The following SLC26A8 variants were observed in gnomAD, a reference collection of about 807,000 sequenced individuals.
SLC26A8 encodes the protein solute carrier family 26 member 8.
In SLC26A8, 70 loss-of-function variants were observed where a neutral mutation model predicts 105.0. The ratio of observed to expected loss-of-function variants is 0.67; its 90% CI spans 0.55 to 0.81. SLC26A8 has a LOEUF of 0.81. SLC26A8 is among the 40% of genes least tolerant of loss of function. SLC26A8 has a pLI of 0.00. For synonymous variants in SLC26A8, 415 were observed against 438.3 expected (o/e 0.95, Z 0.66); for missense variants, 998 against 1,181.8 (o/e 0.84, Z 2.28).
chr6:36,000,210 G>C, intron 3 of SLC26A8, 102 bp from the exon 4 acceptor site: 1 of 721,066 alleles, frequency 1.4e-6, no homozygotes, highest in Non-Finnish European at 2.4e-6. Flanking sequence ...CATGTGTATA[G>C]CTGACTGAGT....
intron 12 of SLC26A8, 73 bp from the exon 13 acceptor site, chr6:35,961,172 C>T: frequency 1.7e-6 from 2 of 1,171,406 alleles, no homozygotes; most frequent in Non-Finnish European, 2.5e-6. Context: ...AGTCCTGTTT[C>T]TCAACTCACC....
intron 17 of SLC26A8, among the ~76,000 whole-genome samples, chr6:35,952,894 G>A (rs1349530836): frequency 6.6e-6 from 1 of 151,546 alleles, no homozygotes; most frequent in Non-Finnish European, 1.5e-5. Context: ...TGCGCCTGTA[G>A]TCCCAGCTAC....
intron 4 of SLC26A8, among the ~76,000 whole-genome samples, chr6:35,998,935 C>T (rs1476240604): frequency 2.0e-5 from 3 of 152,028 alleles, no homozygotes; most frequent in Non-Finnish European, 2.9e-5. Flanking sequence ...GCTCTTGTTG[C>T]CCAGGCTGGA....
chr6:35,991,378 T>C (rs1761147157), intron 7 of SLC26A8, among the ~76,000 whole-genome samples: 1 of 140,232 alleles, frequency 7.1e-6, no homozygotes, highest in African/African-American at 2.7e-5. Context: ...CACTCCATCC[T>C]GGGCAGCAGA....
intron 19 of SLC26A8, among the ~76,000 whole-genome samples, chr6:35,947,968 A>G (rs1356476939): frequency 6.6e-6 from 1 of 152,082 alleles, no homozygotes; most frequent in Non-Finnish European, 1.5e-5. Context: ...AGTATCTAAG[A>G]TTTTCCCATG....
intron 2 of SLC26A8, among the ~76,000 whole-genome samples, chr6:36,016,275 G>C (rs2127373954): frequency 6.6e-6 from 1 of 152,308 alleles, no homozygotes; most frequent in South Asian, 2.1e-4. Flanking sequence ...TTACAGGTGT[G>C]AGCCACTGCA....
intron 17 of SLC26A8, 51 bp downstream of exon 17, chr6:35,955,101 G>C (rs1772005261): frequency 6.2e-7 from 1 of 1,609,936 alleles, no homozygotes; most frequent in African/African-American, 1.3e-5. Flanking sequence ...GGTGGGGTTG[G>C]GATGGTAGGA....
At chr6:35,985,435 C>T (rs938346895) in intron 7 of SLC26A8, among the ~76,000 whole-genome samples, 1 of 152,002 alleles carries the variant, frequency 6.6e-6, no homozygotes, top group African/African-American at 2.4e-5. Flanking sequence ...TGGCTCATGC[C>T]TGTAATCCCA....
chr6:35,951,965 T>G (rs1308981673), intron 17 of SLC26A8, among the ~76,000 whole-genome samples: 1 of 152,190 alleles, frequency 6.6e-6, no homozygotes, highest in Non-Finnish European at 1.5e-5. Context: ...AAACATTTGA[T>G]GAGTGGAGTT....
intron 5 of SLC26A8, among the ~76,000 whole-genome samples, chr6:35,993,325 C>T (rs998996696): frequency 6.6e-6 from 1 of 151,820 alleles, no homozygotes; most frequent in African/African-American, 2.4e-5. Context: ...CTTTTTAAAC[C>T]TCTTTCATTA....
intron 7 of SLC26A8, chr6:35,989,831 T>C (rs964818640): frequency 6.6e-6 from 1 of 152,246 alleles, no homozygotes; most frequent in Non-Finnish European, 1.5e-5. Context: ...CCTCAGCTAA[T>C]TGCTGTTGTT....
intron 9 of SLC26A8, among the ~76,000 whole-genome samples, chr6:35,976,424 C>CAA (rs570957960): frequency 9.9e-5 from 12 of 121,588 alleles, no homozygotes; most frequent in South Asian, 2.6e-4. Context: ...AACTCCGTCT[C>CAA]AAAAAAAAAA....
At chr6:36,006,897 C>A (rs851042) in intron 3 of SLC26A8, among the ~76,000 whole-genome samples, 85,271 of 151,972 alleles carry the variant, frequency 0.56, 24,256 homozygotes, top group South Asian at 0.71. Flanking sequence ...CCACATGGGC[C>A]TTATCAATAG....
intron 2 of SLC26A8, among the ~76,000 whole-genome samples, chr6:36,014,667 G>T (rs745409913): frequency 6.6e-5 from 10 of 152,112 alleles, no homozygotes; most frequent in Non-Finnish European, 1.3e-4. Flanking sequence ...GGATCACAAG[G>T]TCAGGAGTTC....
chr6:35,998,290 T>A (rs937365158), intron 4 of SLC26A8, among the ~76,000 whole-genome samples: 1 of 152,108 alleles, frequency 6.6e-6, no homozygotes, highest in Non-Finnish European at 1.5e-5. Flanking sequence ...GCATGGTGGC[T>A]CACGCCTGTA....
At chr6:35,968,593 G>GTGTGAAATATACATA (rs1471021813) in intron 11 of SLC26A8, among the ~76,000 whole-genome samples, 14 of 29,642 alleles carry the variant, frequency 4.7e-4, no homozygotes, top group Middle Eastern at 0.016. Context: ...GTGTGTATGT[G>GTGTGAAATATACATA]TGTGTGTGTG....
At position 35,944,301 on chromosome 6, in the gene SLC26A8, C is replaced by G. The variant is rs1771589695; in HGVS notation, c.2512G>C (p.Gly838Arg). The change falls in exon 20 of 20, where the codon GGA becomes CGA. Residue 838 changes from glycine to arginine, a missense_variant. Gly to Arg is a moderately radical substitution (Grantham distance 125). Coordinates refer to ENST00000490799, the MANE Select transcript of SLC26A8 (RefSeq NM_052961.4). ...CCTGGACTTACATTTTTTTGGCTTC[C>G]TAGAAAACTGCTGCTCATTTTATAT... The part of the protein sequence containing the change: ...SRYKMSSSFL[G>R]SQKNVSPGFI... 1 of 1,613,538 alleles carries G rather than the reference C, an allele frequency of 6.2e-7. No individual in the cohort carries two copies. The highest frequency in any genetic ancestry group is 1.3e-5 in the African/African-American group (1 of 74,826).
chr6:35,951,730 C>T (rs2127291384), intron 17 of SLC26A8, among the ~76,000 whole-genome samples: 1 of 152,152 alleles, frequency 6.6e-6, no homozygotes, highest in African/African-American at 2.4e-5. Flanking sequence ...AGGTGCATAC[C>T]ACACGCCTGG....
intron 11 of SLC26A8, among the ~76,000 whole-genome samples, chr6:35,967,710 T>A (rs1471876231): frequency 6.6e-6 from 1 of 152,186 alleles, no homozygotes; most frequent in African/African-American, 2.4e-5. Flanking sequence ...ACAGATGGCA[T>A]GAATGCACAG....
Sources: gnomAD v4.1 joint callset for allele counts (sites outside exome capture counted in the v4.1 genomes callset) on GRCh38, gnomAD v4.1.1 for gene constraint, MANE v1.5 for transcripts, NCBI Gene and HGNC (gene_info 2026-07-23, HGNC 2026-07-21) for gene names.